ATP6V0A1: variants seen among roughly 807,000 people sequenced by gnomAD.
ATP6V0A1 encodes the protein ATPase H+ transporting V0 subunit a1.
Under a neutral mutation model 105.4 loss-of-function variants are expected in ATP6V0A1, and 43 were observed. The observed-to-expected ratio is 0.41, with a 90% CI of 0.32 to 0.53. ATP6V0A1 has a LOEUF of 0.53. Among genes scored for constraint, ATP6V0A1 ranks in the 20% least tolerant of loss-of-function variants. The pLI is 0.30. For missense variants in ATP6V0A1, 676 were observed against 1,051.1 expected (o/e 0.64, Z 4.93); for synonymous variants, 362 against 372.8 (o/e 0.97, Z 0.33).
In ATP6V0A1 at chr17:42,472,639, G is replaced by A. The variant is rs559095856; in HGVS notation, c.423+2421G>A. On this transcript the variant is annotated intron_variant, in intron 5 of 21. Coordinates refer to ENST00000343619, the MANE Select transcript of ATP6V0A1 (RefSeq NM_001130021.3). ...TTCATGAGGCTGAGGCAGGAGAATCGCTTGAACCGGGGAGGCGGAGGTTGT... is the reference window on the plus strand; with the variant it reads ...TTCATGAGGCTGAGGCAGGAGAATCACTTGAACCGGGGAGGCGGAGGTTGT... Among the ~76,000 whole-genome samples the A allele has an allele frequency of 6.6e-4, 100 of 152,096 alleles. No homozygotes were observed. In the Middle Eastern group the frequency reaches 0.01, roughly 16 times the overall value.
chr17:42,512,387 A>AG (rs1043118895), intron 19 of ATP6V0A1, among the ~76,000 whole-genome samples: 6 of 152,144 alleles, frequency 3.9e-5, no homozygotes, highest in Non-Finnish European at 8.8e-5. Flanking sequence ...AGCCCATAGG[A>AG]GTAGAGATCA....
At chr17:42,518,287 G>C (rs1010677935) in intron 21 of ATP6V0A1, 2 of 152,092 alleles carry the variant, frequency 1.3e-5, no homozygotes, top group African/African-American at 4.8e-5. Flanking sequence ...GGTGATTAAA[G>C]GGACAGAATC....
rs2092509482 is a variant in ATP6V0A1 at position 42,514,436 on chromosome 17, T to C, written c.2396T>C (p.Phe799Ser). ...CTGATCATGGAGGGCCTCTCGGCCT[T>C]TCTCCACGCACTGCGCTTACACTGG... ...ILLIMEGLSA[F>S]LHALRLHWVE... The change falls in exon 21 of 22, where the codon TTT becomes TCT. Residue 799 changes from phenylalanine to serine, a missense_variant. This residue lies in a region of ATP6V0A1 where 435 missense variants were observed against 642.2 expected (regional missense o/e 0.68). Transcript: ENST00000343619. The C allele has an allele frequency of 6.2e-7, 1 of 1,608,726 alleles. No homozygotes were observed. The highest frequency in any genetic ancestry group is 1.1e-5 in the South Asian group (1 of 90,082).
intron 2 of ATP6V0A1, among the ~76,000 whole-genome samples, chr17:42,464,368 T>G (rs2086783641): frequency 6.6e-6 from 1 of 152,140 alleles, no homozygotes; most frequent in African/African-American, 2.4e-5. Context: ...GAGAGAAGTG[T>G]TGAATACATG....
chr17:42,477,678 T>C lies in ATP6V0A1; in HGVS notation c.442T>C (p.Leu148=). The change falls in exon 6 of 22, where the codon TTG becomes CTG. Residue 148 remains leucine, a synonymous_variant. Transcript: ENST00000343619. ...FFDEMADPDL[L]EESSSLLEPS... Reference sequence around the variant, plus strand: ...TCAGCAGATGGCGGATCCAGACTTGTTGGAAGAGTCCTCATCCCTCTTGGA... The same window carrying C: ...TCAGCAGATGGCGGATCCAGACTTGCTGGAAGAGTCCTCATCCCTCTTGGA... 1 of 1,613,902 alleles carries C rather than the reference T, an allele frequency of 6.2e-7. No individual in the cohort carries two copies.
At chr17:42,520,885 C>T in intron 21 of ATP6V0A1, 142 bp from the exon 22 acceptor site, 1 of 729,890 alleles carries the variant, frequency 1.4e-6, no homozygotes, top group East Asian at 2.5e-5. Context: ...GATCTCTGCA[C>T]TCTGGGCTTT....
At chr17:42,516,856 C>A (rs1001158357) in intron 21 of ATP6V0A1, among the ~76,000 whole-genome samples, 1 of 152,220 alleles carries the variant, frequency 6.6e-6, no homozygotes, top group Non-Finnish European at 1.5e-5. Context: ...ACTGTCACAC[C>A]AGGCAGGGAA....
intron 11 of ATP6V0A1, among the ~76,000 whole-genome samples, chr17:42,491,759 A>G (rs1474306976): frequency 1.3e-5 from 2 of 152,204 alleles, no homozygotes; most frequent in Non-Finnish European, 2.9e-5. Context: ...CTGGGATTAC[A>G]GACGTGAGCC....
intron 9 of ATP6V0A1, among the ~76,000 whole-genome samples, chr17:42,484,601 G>T (rs867553822): frequency 6.6e-6 from 1 of 152,044 alleles, no homozygotes; most frequent in Non-Finnish European, 1.5e-5. Context: ...TTGCCAAATT[G>T]CAGTAAGTGT....
At chr17:42,482,049 C>T (rs2089580754) in intron 8 of ATP6V0A1, among the ~76,000 whole-genome samples, 2 of 152,116 alleles carry the variant, frequency 1.3e-5, no homozygotes. Flanking sequence ...GCCGTGTTGG[C>T]CAGGCTGATC....
At position 42,492,444 on chromosome 17, in the gene ATP6V0A1, C is replaced by T. The variant is rs111635221; in HGVS notation, c.1174+1807C>T. ...CGGCTGGGCCAGGTGTGGTGGCTCACGCCTGTAATCCCAGCACTTTGGGAG... is the reference window on the plus strand; with the variant it reads ...CGGCTGGGCCAGGTGTGGTGGCTCATGCCTGTAATCCCAGCACTTTGGGAG... On this transcript the variant is annotated intron_variant, in intron 11 of 21. Coordinates refer to ENST00000343619, the MANE Select transcript of ATP6V0A1 (RefSeq NM_001130021.3). 2.7e-3 allele frequency among the ~76,000 whole-genome samples: 403 copies of T among 150,602 alleles called. 1 individual carries two copies. The highest frequency in any genetic ancestry group is 7.4e-3 in the African/African-American group (304 of 40,894).
rs1183499979 is a variant in ATP6V0A1, at chr17:42,460,959, C to T, written c.65C>T (p.Ala22Val). 1 of 1,613,990 alleles carries T rather than the reference C, an allele frequency of 6.2e-7. No individual in the cohort carries two copies. Among genetic ancestry groups the T allele is most frequent in the Non-Finnish European group, 8.5e-7 (1 of 1,179,974 alleles). Residue 22 changes from alanine to valine, a missense_variant, in exon 2 of 22, where the codon GCT becomes GTT. Ala to Val is a moderately conservative substitution (Grantham distance 64, BLOSUM62 0). Transcript: ENST00000343619. ...CAGCTTTTTCTACAGTCAGAGGCTGCTTATTGTTGTGTCAGTGAATTAGGA... is the reference window on the plus strand; with the variant it reads ...CAGCTTTTTCTACAGTCAGAGGCTGTTTATTGTTGTGTCAGTGAATTAGGA... Reference protein sequence around the residue: ...LAQLFLQSEAAYCCVSELGEL... With the variant: ...LAQLFLQSEAVYCCVSELGEL...
chr17:42,500,878 C>G lies in ATP6V0A1; in HGVS notation c.1851C>G (p.Leu617=), dbSNP rs569382864. The G allele has an allele frequency of 6.2e-7, 1 of 1,614,036 alleles. No individual in the cohort carries two copies. The highest frequency in any genetic ancestry group is 8.5e-7 in the Non-Finnish European group (1 of 1,180,018). Reference sequence around the variant, plus strand: ...TGATCCATTTCATAAACATGTTCCTCTTTTCCTACCCAGAGTCTGGTTATT... The same window carrying G: ...TGATCCATTTCATAAACATGTTCCTGTTTTCCTACCCAGAGTCTGGTTATT... ...SLLIHFINMF[L]FSYPESGYSM... Residue 617 remains leucine, a synonymous_variant, in exon 16 of 22, where the codon CTC becomes CTG. Coordinates refer to ENST00000343619, the MANE Select transcript of ATP6V0A1 (RefSeq NM_001130021.3).
chr17:42,515,295 C>T (rs902701910), intron 21 of ATP6V0A1, among the ~76,000 whole-genome samples: 30 of 147,080 alleles, frequency 2.0e-4, no homozygotes, highest in African/African-American at 7.0e-4. Context: ...GGTAAAACCC[C>T]GTCTCTACTA....
At chr17:42,482,948 C>A in intron 8 of ATP6V0A1, 90 bp from the exon 9 acceptor site, 1 of 727,920 alleles carries the variant, frequency 1.4e-6, no homozygotes. Flanking sequence ...CTGACCTAAT[C>A]CTGTTTTGGT....
intron 17 of ATP6V0A1, among the ~76,000 whole-genome samples, chr17:42,504,760 G>C (rs1376501856): frequency 6.6e-6 from 1 of 152,114 alleles, no homozygotes; most frequent in Non-Finnish European, 1.5e-5. Context: ...AAAGCAATAG[G>C]TGCACTTGGC....
At chr17:42,519,957 C>A in intron 21 of ATP6V0A1, 1 of 162,340 alleles carries the variant, frequency 6.2e-6, no homozygotes, top group Admixed American at 6.0e-5. Flanking sequence ...GGGCCCCAGC[C>A]ACCTCCCAGC....
rs927643479 is a variant in ATP6V0A1, at chr17:42,480,869, T to C, written c.716+120T>C. 4.9e-6 allele frequency: 4 copies of C among 822,826 alleles called. No homozygotes were observed. In the African/African-American group the frequency reaches 5.3e-5, roughly 11 times the overall value. The allele number at this position is 822,826 out of a possible 1,614,324, so 51.0% of individuals were successfully genotyped here. On this transcript the variant is annotated intron_variant, in intron 8 of 21. Transcript: ENST00000343619. ...TCTACCTCAACACAGTTAATTTTAA[T>C]AATGTTAGGGGCTATTTTAATCAAT...
chr17:42,480,726 CAG>C lies in ATP6V0A1; in HGVS notation c.696_697del (p.Arg232SerfsTer6). 6.2e-7 allele frequency: 1 copy of C among 1,613,822 alleles called. No homozygotes were observed. The highest frequency in any genetic ancestry group is 8.5e-7 in the Non-Finnish European group (1 of 1,179,882). ...IFFQGDQLKN[R>X]VKKICEGFRA... ...TCTTCCAAGGCGATCAGCTGAAAAA[CAG>C]AGTCAAGAAAATCTGTGAAGGGTAA... is the stretch of plus-strand genomic sequence containing the variant. On this transcript the variant is annotated frameshift_variant, in exon 8 of 22. Coordinates refer to ENST00000343619, the MANE Select transcript of ATP6V0A1 (RefSeq NM_001130021.3). LOFTEE classifies it high-confidence loss of function.
Sources: allele counts gnomAD v4.1 joint callset (sites outside exome capture counted in the v4.1 genomes callset), GRCh38; gene constraint gnomAD v4.1.1; regional missense constraint gnomAD v4.1.1; transcripts MANE v1.5; gene names NCBI Gene and HGNC (gene_info 2026-07-23, HGNC 2026-07-21).